The following CTNNA2 variants were observed in gnomAD, a reference collection of about 807,000 sequenced individuals.
The protein encoded by CTNNA2 is catenin alpha-2.
CTNNA2 carries 42 observed loss-of-function variants against 101.0 expected under a neutral mutation model. That is an observed-to-expected ratio of 0.42 (90% confidence interval 0.32 to 0.54). The LOEUF is 0.54. CTNNA2 is among the 20% of genes least tolerant of loss of function. The probability of loss-of-function intolerance (pLI) is 0.14; values close to 1 mark genes in which losing one functional copy is unlikely to be tolerated. For synonymous variants in CTNNA2, 450 were observed against 456.4 expected, an observed-to-expected ratio of 0.99 and a Z score of 0.18; for missense variants, 871 against 1,223.1, an observed-to-expected ratio of 0.71 and a Z score of 4.29.
At position 80,155,770 on chromosome 2, in the gene CTNNA2, T is replaced by C. The variant is rs72926635; in HGVS notation, c.1057-237441T>C. ...TTGGGCTATTTTGACCCTCTCAAAA[T>C]TAAAATTCTATTGGCATTTTTTCTG... On this transcript the variant is annotated intron_variant, in intron 7 of 18. Transcript: ENST00000402739. 3.7e-3 allele frequency among the ~76,000 whole-genome samples: 567 copies of C among 152,198 alleles called. 3 individuals are homozygous for C. Among genetic ancestry groups the C allele is most frequent in the African/African-American group, 0.013 (544 of 41,470 alleles).
chr2:79,949,205 T>C (rs1688711774), intron 7 of CTNNA2, among the ~76,000 whole-genome samples: 1 of 152,218 alleles, frequency 6.6e-6, no homozygotes. Context: ...TAATCACTTA[T>C]ATTTCATATT....
At chr2:79,834,216 T>G (rs1368611777) in intron 3 of CTNNA2, among the ~76,000 whole-genome samples, 1 of 152,182 alleles carries the variant, frequency 6.6e-6, no homozygotes, top group East Asian at 1.9e-4. Context: ...ACTAATTTGT[T>G]TTTAGATCTT....
At chr2:79,256,153 C>T (rs1419811787) in intron 2 of CTNNA2, among the ~76,000 whole-genome samples, 3 of 152,160 alleles carry the variant, frequency 2.0e-5, no homozygotes, top group Non-Finnish European at 4.4e-5. Context: ...GAAGGGAAGA[C>T]AAAGGAGATG....
intron 7 of CTNNA2, among the ~76,000 whole-genome samples, chr2:80,279,363 T>G (rs991563353): frequency 2.0e-5 from 3 of 152,180 alleles, no homozygotes; most frequent in African/African-American, 4.8e-5. Context: ...ACACGTTGAG[T>G]GTCTTCTCCA....
At chr2:80,644,717 GA>G (rs1447815541) in intron 18 of CTNNA2, among the ~76,000 whole-genome samples, 1 of 152,140 alleles carries the variant, frequency 6.6e-6, no homozygotes, top group African/African-American at 2.4e-5. Context: ...ATTGTTTGTG[GA>G]AATATTTGTT....
At chr2:80,474,588 A>G (rs937995363) in intron 9 of CTNNA2, among the ~76,000 whole-genome samples, 2 of 152,164 alleles carry the variant, frequency 1.3e-5, no homozygotes, top group South Asian at 2.1e-4. Context: ...AAATTGAACC[A>G]TTTCCTATCA....
intron 1 of CTNNA2, among the ~76,000 whole-genome samples, chr2:79,517,946 G>A (rs994056845): frequency 2.0e-5 from 3 of 152,182 alleles, no homozygotes; most frequent in Admixed American, 2.0e-4. Context: ...CCCCATACGT[G>A]AGGGTGGTGA....
Position 79,571,921 on chromosome 2 carries a change from CCTT to C in CTNNA2, c.-6+58718_-6+58720del, listed in dbSNP as rs375830383. ...TCTATACTTGAAGACCCTAGTCAGT[CCTT>C]CTTTTTGGTAGCTGCCTGCAGAACA... On this transcript the variant is annotated intron_variant, in intron 1 of 18. Coordinates refer to ENST00000402739, the MANE Select transcript of CTNNA2 (RefSeq NM_001282597.3). Among the ~76,000 whole-genome samples, 887 of 152,238 alleles carry C rather than the reference CCTT, an allele frequency of 5.8e-3. 2 individuals carry two copies. Among genetic ancestry groups the C allele is most frequent in the African/African-American group, 0.02 (836 of 41,552 alleles).
intron 18 of CTNNA2, among the ~76,000 whole-genome samples, chr2:80,639,030 T>G (rs1245047984): frequency 6.9e-6 from 1 of 145,056 alleles, no homozygotes; most frequent in Non-Finnish European, 1.5e-5. Context: ...AAGGAAGCCC[T>G]GAAGAAAAGA....
intron 3 of CTNNA2, among the ~76,000 whole-genome samples, chr2:79,784,196 C>A (rs1008815584): frequency 6.6e-6 from 1 of 152,092 alleles, no homozygotes; most frequent in Non-Finnish European, 1.5e-5. Context: ...TTATTCAGAA[C>A]CAGAGCTGGT....
At chr2:80,246,282 T>A (rs1045792077) in intron 7 of CTNNA2, among the ~76,000 whole-genome samples, 17 of 152,196 alleles carry the variant, frequency 1.1e-4, no homozygotes, top group Non-Finnish European at 2.9e-5. Context: ...GAGGGAGTTA[T>A]TGAAAGCAGA....
At chr2:80,563,270 G>A (rs1312572512) in intron 12 of CTNNA2, among the ~76,000 whole-genome samples, 2 of 152,184 alleles carry the variant, frequency 1.3e-5, no homozygotes, top group Non-Finnish European at 1.5e-5. Flanking sequence ...GTGCACAACT[G>A]AGGCTGTAGT....
intron 11 of CTNNA2, among the ~76,000 whole-genome samples, chr2:80,547,677 A>G (rs1692193191): frequency 9.6e-6 from 1 of 104,230 alleles, no homozygotes; most frequent in East Asian, 2.7e-4. Context: ...AACTCAATAT[A>G]TTGTCACTTC....
intron 2 of CTNNA2, among the ~76,000 whole-genome samples, chr2:79,276,033 A>T (rs1447185222): frequency 6.6e-6 from 1 of 152,098 alleles, no homozygotes; most frequent in Non-Finnish European, 1.5e-5. Context: ...AAAGGAGGTG[A>T]GGGAATGAGA....
chr2:80,042,098 A>G (rs1397752915), intron 7 of CTNNA2, among the ~76,000 whole-genome samples: 1 of 152,056 alleles, frequency 6.6e-6, no homozygotes, highest in East Asian at 1.9e-4. Context: ...CCAAGTAGCT[A>G]GGATTATAGG....
At chr2:80,190,748 C>A (rs1259038140) in intron 7 of CTNNA2, among the ~76,000 whole-genome samples, 1 of 152,120 alleles carries the variant, frequency 6.6e-6, no homozygotes, top group Admixed American at 6.5e-5. Flanking sequence ...TAAATACAGT[C>A]CCATATTAAA....
At chr2:79,910,368 G>A (rs1685703295) in intron 7 of CTNNA2, among the ~76,000 whole-genome samples, 1 of 152,092 alleles carries the variant, frequency 6.6e-6, no homozygotes, top group Non-Finnish European at 1.5e-5. Flanking sequence ...ATGTATGACT[G>A]GTATCTAATT....
At chr2:79,598,167 A>G (rs1677320197) in intron 1 of CTNNA2, among the ~76,000 whole-genome samples, 1 of 152,228 alleles carries the variant, frequency 6.6e-6, no homozygotes, top group Non-Finnish European at 1.5e-5. Context: ...TCAGTGCTGA[A>G]TAATATTCCA....
At chr2:80,467,704 T>C (rs1455719103) in intron 9 of CTNNA2, among the ~76,000 whole-genome samples, 1 of 152,204 alleles carries the variant, frequency 6.6e-6, no homozygotes, top group East Asian at 1.9e-4. Context: ...ATTCCCAATG[T>C]AATAGTATTA....
Sources: gnomAD v4.1 joint callset for allele counts (sites outside exome capture counted in the v4.1 genomes callset) on GRCh38, gnomAD v4.1.1 for gene constraint, MANE v1.5 for transcripts, NCBI Gene and HGNC (gene_info 2026-07-23, HGNC 2026-07-21) for gene names.